The following PHACTR2 variants were observed in gnomAD, a reference collection of about 807,000 sequenced individuals.
PHACTR2 encodes phosphatase and actin regulator 2, also known as chromosome 6 open reading frame 56.
A neutral mutation model predicts 76.0 loss-of-function variants in PHACTR2; 30 were observed. That is an observed-to-expected ratio of 0.39 (90% CI 0.30 to 0.54). The LOEUF (loss-of-function observed/expected upper bound fraction) is 0.54, where lower values mean the gene tolerates loss of function less well. Ranked by LOEUF, PHACTR2 falls within the 20% of genes least tolerant of loss-of-function variation. The pLI, the probability that PHACTR2 is intolerant of heterozygous loss-of-function variation, is 0.61. For synonymous variants in PHACTR2, 292 were observed against 292.5 expected, an observed-to-expected ratio of 1.00 and a Z score of 0.02; for missense variants, 696 against 781.1, an observed-to-expected ratio of 0.89 and a Z score of 1.30.
In PHACTR2 at chr6:143,625,083, G is replaced by A. The variant is rs60860852; in HGVS notation, c.13+16761G>A. On this transcript the variant is annotated intron_variant, in intron 1 of 11. Coordinates refer to the PHACTR2 transcript ENST00000305766. The surrounding 1 kb of genome is among the most constrained non-coding windows in gnomAD (Gnocchi z 4.3). ...AGGCAGGAGAATTGCTTGAACCCGG[G>A]AGATGGAGGTTGCAGTAAGCCAAGA... 0.023 allele frequency among the ~76,000 whole-genome samples: 3,554 copies of A among 152,004 alleles called. 139 individuals are homozygous for A. Among genetic ancestry groups the A allele is most frequent in the African/African-American group, 0.08 (3,325 of 41,418 alleles).
At chr6:143,810,528 C>T in intron 12 of PHACTR2, 1 of 451,228 alleles carries the variant, frequency 2.2e-6, no homozygotes, top group Non-Finnish European at 4.5e-6. Flanking sequence ...GATTGGGCAT[C>T]TTAACATACC....
rs1036058321 is a variant in PHACTR2, at chr6:143,633,406, A to G, written c.13+25084A>G. Among the ~76,000 whole-genome samples, 2 of 152,156 alleles carry G rather than the reference A, an allele frequency of 1.3e-5. No homozygotes were observed. Among genetic ancestry groups the G allele is most frequent in the African/African-American group, 4.8e-5 (2 of 41,438 alleles). On this transcript the variant is annotated intron_variant, in intron 1 of 11. Transcript: ENST00000305766. The surrounding 1 kb of genome is among the most constrained non-coding windows in gnomAD (Gnocchi z 4.1). Reference sequence around the variant, plus strand: ...GCTCACTTGCCTTTTCCACCTGTATATCTTCTTTGGTGAGGTCTTCCTTTT... The same window carrying G: ...GCTCACTTGCCTTTTCCACCTGTATGTCTTCTTTGGTGAGGTCTTCCTTTT...
At chr6:143,677,161 C>T (rs975258239), upstream of PHACTR2, among the ~76,000 whole-genome samples, 1 of 152,014 alleles carries the variant, frequency 6.6e-6, no homozygotes, top group African/African-American at 2.4e-5. Flanking sequence ...ATCCAGTAAC[C>T]ACCATCCAAT....
At chr6:143,573,130 C>G (rs1775466670) in intron 1 of PHACTR2, among the ~76,000 whole-genome samples, 1 of 152,178 alleles carries the variant, frequency 6.6e-6, no homozygotes, top group Admixed American at 6.5e-5. Context: ...CATTCGTGAT[C>G]TTCCTACTCA....
intron 2 of PHACTR2, among the ~76,000 whole-genome samples, chr6:143,725,797 G>T (rs1159453109): frequency 2.0e-5 from 3 of 148,588 alleles, no homozygotes; most frequent in African/African-American, 2.5e-5. Flanking sequence ...CTGCACACCA[G>T]CCTGGCAATA....
chr6:143,823,993 G>A lies in PHACTR2; in HGVS notation c.*304G>A. On this transcript the variant is annotated 3_prime_UTR_variant, in exon 13 of 13. Transcript: ENST00000440869. This position sits in a 1 kb window ranked among gnomAD's most constrained non-coding sequence, Gnocchi z 5.7. ...GAAGATGAGCAGAAGACAATCACTG[G>A]CTCCCTGTTACCAGAAAGCCAAATT... The A allele has an allele frequency of 3.7e-6, 1 of 270,256 alleles. No homozygotes were observed. The highest frequency in any genetic ancestry group is 6.9e-6 in the Non-Finnish European group (1 of 144,848). The allele number at this position is 270,256 out of a possible 1,614,324, so 16.7% of individuals were successfully genotyped here. A position where few individuals can be genotyped will look rare whatever the true frequency, so the allele number is the denominator to read the frequency against.
chr6:143,745,415 G>A (rs991174697), intron 2 of PHACTR2, among the ~76,000 whole-genome samples: 1 of 152,164 alleles, frequency 6.6e-6, no homozygotes, highest in South Asian at 2.1e-4. Context: ...AGTGGGTTGC[G>A]CCTTAAAGTG....
In PHACTR2 at chr6:143,633,798, C is replaced by T. The variant is rs990241661; in HGVS notation, c.13+25476C>T. ...TGTACTTTATATTTAGATCCATAAT[C>T]GATTTTGATATTTTATAAAGGTCTC... On this transcript the variant is annotated intron_variant, in intron 1 of 11. Coordinates refer to the PHACTR2 transcript ENST00000305766. The surrounding 1 kb of genome is among the most constrained non-coding windows in gnomAD (Gnocchi z 4.1). 6.6e-6 allele frequency among the ~76,000 whole-genome samples: 1 copy of T among 152,038 alleles called. No individual in the cohort carries two copies. The highest frequency in any genetic ancestry group is 1.5e-5 in the Non-Finnish European group (1 of 68,006).
intron 2 of PHACTR2, among the ~76,000 whole-genome samples, chr6:143,735,273 C>G (rs1433333786): frequency 6.6e-6 from 1 of 151,516 alleles, no homozygotes; most frequent in Non-Finnish European, 1.5e-5. Flanking sequence ...AGGCTATATA[C>G]AAAAATACAA....
At position 143,767,270 on chromosome 6, in the gene PHACTR2, C is replaced by A. The variant is rs1257754700; in HGVS notation, c.1232+1472C>A. ...GACTGCCCAGTTGGTGGTGGTGAAG[C>A]CAGAATGCATACCCAATTCCATGCT... is the stretch of plus-strand genomic sequence containing the variant. On this transcript the variant is annotated intron_variant, in intron 6 of 12. Coordinates refer to ENST00000440869, the MANE Select transcript of PHACTR2 (RefSeq NM_001100164.2). This position sits in a 1 kb window ranked among gnomAD's most constrained non-coding sequence, Gnocchi z 4.4. Among the ~76,000 whole-genome samples the A allele has an allele frequency of 1.1e-4, 16 of 152,126 alleles. No individual in the cohort carries two copies. In the East Asian group the frequency reaches 3.1e-3, roughly 29 times the overall value.
At position 143,608,254 on chromosome 6, in the gene PHACTR2, A is replaced by G; in HGVS notation, c.-56A>G. On this transcript the variant is annotated 5_prime_UTR_variant, in exon 1 of 12. Coordinates refer to the PHACTR2 transcript ENST00000305766. This position sits in a 1 kb window ranked among gnomAD's most constrained non-coding sequence, Gnocchi z 4.6. ...AGGACAGGGTGCTTCGTTAGTCAGA[A>G]GAGCCAGGGCTTCCCGGCTGCCAGG... 2 of 1,603,220 alleles carry G rather than the reference A, an allele frequency of 1.2e-6. No homozygotes were observed. Among genetic ancestry groups the G allele is most frequent in the Non-Finnish European group, 1.7e-6 (2 of 1,170,460 alleles).
At position 143,820,418 on chromosome 6, in the gene PHACTR2, T is replaced by C. The variant is rs1221709010; in HGVS notation, c.1923-3256T>C. ...TCCAAGATATGGTGGAGATCTATAC[T>C]GGGTAAACATTCCCGTTCCCAAAGG... On this transcript the variant is annotated intron_variant, in intron 12 of 12. Transcript: ENST00000440869. The surrounding 1 kb of genome is among the most constrained non-coding windows in gnomAD (Gnocchi z 4.2). 6.6e-6 allele frequency among the ~76,000 whole-genome samples: 1 copy of C among 152,146 alleles called. No individual in the cohort carries two copies. Among genetic ancestry groups the C allele is most frequent in the African/African-American group, 2.4e-5 (1 of 41,430 alleles).
rs1446151687 is a variant in PHACTR2 at position 143,618,536 on chromosome 6, A to G, written c.13+10214A>G. ...GAAGGTGTCAGTGTCAGAGGGTTTTAAACTCCAAATGTTTATACAAGTGAA... is the reference window on the plus strand; with the variant it reads ...GAAGGTGTCAGTGTCAGAGGGTTTTGAACTCCAAATGTTTATACAAGTGAA... On this transcript the variant is annotated intron_variant, in intron 1 of 11. Transcript: ENST00000305766. This position sits in a 1 kb window ranked among gnomAD's most constrained non-coding sequence, Gnocchi z 5.2. Among the ~76,000 whole-genome samples the G allele has an allele frequency of 6.6e-6, 1 of 152,098 alleles. No individual in the cohort carries two copies. Among genetic ancestry groups the G allele is most frequent in the Non-Finnish European group, 1.5e-5 (1 of 68,022 alleles).
intron 2 of PHACTR2, among the ~76,000 whole-genome samples, chr6:143,735,607 T>G (rs901986803): frequency 2.9e-5 from 4 of 139,786 alleles, no homozygotes; most frequent in African/African-American, 1.1e-4. Context: ...ACCCCACCAC[T>G]TACCCTCTGT....
rs560685778 is a variant in PHACTR2 at position 143,811,243 on chromosome 6, C to T, written c.1922+4110C>T. Among the ~76,000 whole-genome samples, 3 of 152,232 alleles carry T rather than the reference C, an allele frequency of 2.0e-5. No homozygotes were observed. The highest frequency in any genetic ancestry group is 2.1e-4 in the South Asian group (1 of 4,814). ...TGAAATTCTCTTTTAATATACACATCGGTCAATTTCTGGATTGCTTATTAT... is the reference window on the plus strand; with the variant it reads ...TGAAATTCTCTTTTAATATACACATTGGTCAATTTCTGGATTGCTTATTAT... On this transcript the variant is annotated intron_variant, in intron 12 of 12. Transcript: ENST00000440869. This position sits in a 1 kb window ranked among gnomAD's most constrained non-coding sequence, Gnocchi z 4.1.
intron 5 of PHACTR2, among the ~76,000 whole-genome samples, chr6:143,763,450 A>G (rs184545819): frequency 2.0e-5 from 3 of 152,374 alleles, no homozygotes; most frequent in Admixed American, 1.3e-4. Context: ...AAAATAATTG[A>G]ACATGGTTAG....
rs1775594867 is a variant in PHACTR2, at chr6:143,583,300, G to T, written c.217+46093G>T. Among the ~76,000 whole-genome samples the T allele has an allele frequency of 6.6e-6, 1 of 152,222 alleles. No individual in the cohort carries two copies. The highest frequency in any genetic ancestry group is 2.4e-5 in the African/African-American group (1 of 41,462). ...GAATGAAAGCACTTATACCATGTGAGAATGGGTTACAGAAACACATGCTAG... is the reference window on the plus strand; with the variant it reads ...GAATGAAAGCACTTATACCATGTGATAATGGGTTACAGAAACACATGCTAG... On this transcript the variant is annotated intron_variant, in intron 1 of 11. Transcript: ENST00000367584. This position sits in a 1 kb window ranked among gnomAD's most constrained non-coding sequence, Gnocchi z 4.0.
chr6:143,713,323 G>C (rs1474674270), intron 2 of PHACTR2, among the ~76,000 whole-genome samples: 2 of 152,184 alleles, frequency 1.3e-5, no homozygotes, highest in South Asian at 2.1e-4. Flanking sequence ...AAATAATCCT[G>C]GAGGAGTGTG....
rs1468953237 is a variant in PHACTR2, at chr6:143,671,431, C to A, written c.14-40585C>A. ...GATAGCCATATGGTTAACTCCATTA[C>A]CTCCTTTGTGTTTTTGCTTAAACAT... is the stretch of plus-strand genomic sequence containing the variant. On this transcript the variant is annotated intron_variant, in intron 1 of 11. Coordinates refer to the PHACTR2 transcript ENST00000305766. The surrounding 1 kb of genome is among the most constrained non-coding windows in gnomAD (Gnocchi z 4.6). 6.6e-6 allele frequency among the ~76,000 whole-genome samples: 1 copy of A among 152,174 alleles called. No homozygotes were observed. Among genetic ancestry groups the A allele is most frequent in the Non-Finnish European group, 1.5e-5 (1 of 68,016 alleles).
Sources: allele counts gnomAD v4.1 joint callset (sites outside exome capture counted in the v4.1 genomes callset), GRCh38; gene constraint gnomAD v4.1.1; non-coding constraint Gnocchi (gnomAD v3.1); transcripts MANE v1.5; gene names NCBI Gene and HGNC (gene_info 2026-07-23, HGNC 2026-07-21).